Variants in GRM8 observed in about 807,000 individuals in gnomAD.
GRM8 encodes the protein metabotropic glutamate receptor 8.
A neutral mutation model predicts 87.2 loss-of-function variants in GRM8; 47 were observed. The ratio of observed to expected loss-of-function variants is 0.54; its 90% CI spans 0.43 to 0.69. GRM8 has a LOEUF of 0.69. Ranked by LOEUF, GRM8 falls within the 30% of genes least tolerant of loss-of-function variation. GRM8 has a pLI of 0.00. For missense variants in GRM8, 1,019 were observed against 1,139.2 expected, an observed-to-expected ratio of 0.89 and a Z score of 1.52; for synonymous variants, 396 against 404.5, an observed-to-expected ratio of 0.98 and a Z score of 0.25.
intron 3 of GRM8, among the ~76,000 whole-genome samples, chr7:127,087,377 TG>T (rs1823619824): frequency 6.6e-6 from 1 of 152,174 alleles, no homozygotes; most frequent in Non-Finnish European, 1.5e-5. Context: ...ACCTTCCAGA[TG>T]GGGGTGGGAG....
chr7:126,796,265 A>C (rs940583910), intron 6 of GRM8, among the ~76,000 whole-genome samples: 1 of 152,122 alleles, frequency 6.6e-6, no homozygotes. Flanking sequence ...ATTTCCTTAA[A>C]AGGTATATTC....
chr7:126,715,318 T>C (rs1302597807), intron 7 of GRM8, among the ~76,000 whole-genome samples: 1 of 152,144 alleles, frequency 6.6e-6, no homozygotes, highest in Non-Finnish European at 1.5e-5. Flanking sequence ...CAGCAGCAGG[T>C]GGTTACAAAA....
At chr7:127,010,071 G>A (rs1814728358) in intron 3 of GRM8, among the ~76,000 whole-genome samples, 2 of 152,094 alleles carry the variant, frequency 1.3e-5, no homozygotes, top group South Asian at 4.2e-4. Context: ...TCGAACTCCT[G>A]ACCTGAAGTG....
intron 2 of GRM8, among the ~76,000 whole-genome samples, chr7:127,213,190 T>C (rs1796324033): frequency 6.6e-6 from 1 of 152,220 alleles, no homozygotes; most frequent in African/African-American, 2.4e-5. Flanking sequence ...TCCGAATGCC[T>C]GGAACTTCAC....
intron 2 of GRM8, among the ~76,000 whole-genome samples, chr7:127,117,020 G>A (rs1482782234): frequency 6.6e-6 from 1 of 152,086 alleles, no homozygotes; most frequent in Non-Finnish European, 1.5e-5. Context: ...TAGATGAAAG[G>A]TAAACAGATG....
chr7:127,172,957 G>A (rs975076934), intron 2 of GRM8, among the ~76,000 whole-genome samples: 1 of 152,092 alleles, frequency 6.6e-6, no homozygotes, highest in African/African-American at 2.4e-5. Context: ...GCTTAAGATG[G>A]TGGATTATAG....
chr7:127,100,264 C>T (rs28951990), intron 3 of GRM8, among the ~76,000 whole-genome samples: 26 of 152,298 alleles, frequency 1.7e-4, no homozygotes, highest in East Asian at 7.7e-4. Flanking sequence ...CTACTGTGCA[C>T]GTTCAGCTAT....
At chr7:127,009,381 C>T (rs1814648318) in intron 3 of GRM8, among the ~76,000 whole-genome samples, 1 of 152,256 alleles carries the variant, frequency 6.6e-6, no homozygotes, top group South Asian at 2.1e-4. Context: ...CCATAAGACG[C>T]TAAAGTGTTA....
intron 8 of GRM8, among the ~76,000 whole-genome samples, chr7:126,559,435 A>T (rs1793471957): frequency 6.6e-6 from 1 of 151,984 alleles, no homozygotes; most frequent in African/African-American, 2.4e-5. Flanking sequence ...GGCCTCTCAA[A>T]GTGCTGGGAT....
chr7:127,238,712 A>T (rs1233341459), intron 2 of GRM8, among the ~76,000 whole-genome samples: 1 of 152,188 alleles, frequency 6.6e-6, no homozygotes, highest in East Asian at 1.9e-4. Flanking sequence ...CCTCTTCTAA[A>T]GTTAAAGAGG....
At chr7:126,611,011 C>T (rs1399662325) in intron 7 of GRM8, among the ~76,000 whole-genome samples, 4 of 152,176 alleles carry the variant, frequency 2.6e-5, no homozygotes, top group Non-Finnish European at 5.9e-5. Context: ...ACTTACCACA[C>T]AGACTTAACA....
At chr7:126,592,114 G>A (rs549354041) in intron 8 of GRM8, among the ~76,000 whole-genome samples, 112 of 148,252 alleles carry the variant, frequency 7.6e-4, no homozygotes, top group Non-Finnish European at 8.4e-4. Flanking sequence ...CCAATAATGA[G>A]TAAGGAGATT....
intron 7 of GRM8, among the ~76,000 whole-genome samples, chr7:126,656,543 T>C (rs1282776617): frequency 1.3e-5 from 1 of 74,716 alleles, no homozygotes. Flanking sequence ...GGCACGTGCC[T>C]GTAATCCCAA....
At chr7:127,023,893 C>T (rs1816514339) in intron 3 of GRM8, among the ~76,000 whole-genome samples, 2 of 152,144 alleles carry the variant, frequency 1.3e-5, no homozygotes, top group Non-Finnish European at 2.9e-5. Flanking sequence ...AAAAGCCATA[C>T]CATCTGAAGG....
intron 7 of GRM8, among the ~76,000 whole-genome samples, chr7:126,715,220 TGGA>T (rs752503999): frequency 3.7e-4 from 57 of 152,212 alleles, no homozygotes; most frequent in Non-Finnish European, 7.5e-4. Flanking sequence ...CACAATTTAC[TGGA>T]GAGATGAAAT....
At chr7:126,595,298 C>T (rs1444230814) in intron 8 of GRM8, among the ~76,000 whole-genome samples, 2 of 151,858 alleles carry the variant, frequency 1.3e-5, no homozygotes, top group Non-Finnish European at 1.5e-5. Context: ...GTGACATGAT[C>T]GCAGTTCACG....
At chr7:126,959,864 T>C (rs879794012) in intron 3 of GRM8, among the ~76,000 whole-genome samples, 1 of 152,196 alleles carries the variant, frequency 6.6e-6, no homozygotes, top group African/African-American at 2.4e-5. Flanking sequence ...ACTTGTTAGC[T>C]GCATGGCACT....
chr7:126,468,297 C>T (rs1444127512), intron 9 of GRM8, among the ~76,000 whole-genome samples: 1 of 151,914 alleles, frequency 6.6e-6, no homozygotes, highest in Non-Finnish European at 1.5e-5. Context: ...AAATCTCTGT[C>T]TCTCTCCCCT....
In GRM8 at chr7:127,160,533, G is replaced by A. The variant is rs568539270; in HGVS notation, c.511-53821C>T. ...GGTGTAAGGAGGCTCCATCACGCGC[G>A]CGCACACACACACACACACACCCCT... On this transcript the variant is annotated intron_variant, in intron 2 of 10. Coordinates refer to ENST00000339582, the MANE Select transcript of GRM8 (RefSeq NM_000845.3). 2.5e-3 allele frequency among the ~76,000 whole-genome samples: 379 copies of A among 149,564 alleles called. 3 individuals carry two copies. The highest frequency in any genetic ancestry group is 3.8e-3 in the Non-Finnish European group (258 of 67,794).
Sources: allele counts gnomAD v4.1 joint callset (sites outside exome capture counted in the v4.1 genomes callset), GRCh38; gene constraint gnomAD v4.1.1; transcripts MANE v1.5; gene names NCBI Gene and HGNC (gene_info 2026-07-23, HGNC 2026-07-21).